ERBIN: variants seen among roughly 807,000 people sequenced by gnomAD.
ERBIN encodes the protein erbb2 interacting protein.
ERBIN carries 60 observed loss-of-function variants against 158.4 expected under a neutral mutation model. That is an observed-to-expected ratio of 0.38 (90% CI 0.31 to 0.47). ERBIN has a LOEUF of 0.47. ERBIN is among the 20% of genes least tolerant of loss of function. The pLI is 0.99. For missense variants in ERBIN, 1,610 were observed against 1,648.0 expected, an observed-to-expected ratio of 0.98 and a Z score of 0.40; for synonymous variants, 594 against 557.2, an observed-to-expected ratio of 1.07 and a Z score of -0.93.
intron 4 of ERBIN, 47 bp from the exon 5 acceptor site, chr5:66,012,002 T>C (rs775296998): frequency 8.3e-7 from 1 of 1,209,778 alleles, no homozygotes; most frequent in South Asian, 1.3e-5. Context: ...GTTATTATTT[T>C]GTCCTTTGTA....
intron 1 of ERBIN, among the ~76,000 whole-genome samples, chr5:65,968,590 T>C (rs1311882239): frequency 1.3e-5 from 2 of 152,214 alleles, no homozygotes; most frequent in Non-Finnish European, 2.9e-5. Flanking sequence ...AGACGATGTC[T>C]TGCTCCGTTG....
rs1202554009 is a variant in ERBIN, at chr5:65,983,788, A to AC, written c.-57-4839dup. On this transcript the variant is annotated intron_variant, in intron 1 of 25. Transcript: ENST00000284037. ...CCAAAGCTTCTCCGCATCTCAGGGC[A>AC]CCCCCCCCAACTGTCTGTGGATCTG... 4.8e-3 allele frequency among the ~76,000 whole-genome samples: 730 copies of AC among 151,256 alleles called. 6 individuals are homozygous for AC. The highest frequency in any genetic ancestry group is 0.016 in the African/African-American group (650 of 41,218).
intron 1 of ERBIN, among the ~76,000 whole-genome samples, chr5:65,969,914 T>C (rs1463425592): frequency 6.6e-6 from 1 of 152,228 alleles, no homozygotes; most frequent in African/African-American, 2.4e-5. Flanking sequence ...TTTAGTTGTT[T>C]TGCCATTTTT....
In ERBIN at chr5:65,994,819, A is replaced by G. The variant is rs34832453; in HGVS notation, c.262A>G (p.Ile88Val). Residue 88 changes from isoleucine (I) to valine (V), a missense_variant, in exon 4 of 26, where the codon ATT (isoleucine) becomes GTT (valine). Transcript: ENST00000284037. ...TGATTTAACAACGTTACCAGCATCC[A>G]TTGCAAACCTTATTAATCTCAGGGA... ...DNDLTTLPAS[I>V]ANLINLRELD... The G allele has an allele frequency of 2.0e-4, 320 of 1,608,864 alleles. No homozygotes were observed. In the African/African-American group the frequency reaches 4.1e-3, roughly 20 times the overall value.
intron 21 of ERBIN, among the ~76,000 whole-genome samples, chr5:66,060,888 G>T (rs1760209819): frequency 6.6e-6 from 1 of 152,160 alleles, no homozygotes; most frequent in Non-Finnish European, 1.5e-5. Flanking sequence ...TAGTTTGATT[G>T]CACTGTGGTC....
At chr5:65,979,926 C>T (rs1051944068) in intron 1 of ERBIN, among the ~76,000 whole-genome samples, 1 of 152,064 alleles carries the variant, frequency 6.6e-6, no homozygotes, top group Non-Finnish European at 1.5e-5. Context: ...TACACATACT[C>T]TTTTATAGTA....
chr5:66,037,195 A>G (rs553994350), intron 14 of ERBIN, among the ~76,000 whole-genome samples: 1 of 152,246 alleles, frequency 6.6e-6, no homozygotes, highest in African/African-American at 2.4e-5. Context: ...TGTTTTGTAT[A>G]TGTTGAATTA....
chr5:65,950,608 T>G (rs1746381856), intron 1 of ERBIN, among the ~76,000 whole-genome samples: 1 of 152,214 alleles, frequency 6.6e-6, no homozygotes, highest in Non-Finnish European at 1.5e-5. Flanking sequence ...TACTTTTCCA[T>G]CATGGATCTG....
chr5:66,068,239 C>T (rs1328588179), intron 21 of ERBIN, among the ~76,000 whole-genome samples: 7 of 151,636 alleles, frequency 4.6e-5, no homozygotes, highest in Admixed American at 1.3e-4. Context: ...CCTGTCTACT[C>T]AGGAGGCAAG....
chr5:65,932,397 G>A (rs1183067049), intron 1 of ERBIN, among the ~76,000 whole-genome samples: 3 of 151,354 alleles, frequency 2.0e-5, no homozygotes, highest in Non-Finnish European at 4.4e-5. Context: ...ATTGCAGCTT[G>A]AAGGCATTGC....
chr5:66,064,369 A>G lies in ERBIN; in HGVS notation c.3634-7800A>G, dbSNP rs540927788. ...ATATAAAGTTTATTTGGTATTTACA[A>G]AGTGCCAGAAACTACTATCACTGTA... On this transcript the variant is annotated intron_variant, in intron 21 of 25. Coordinates refer to ENST00000284037, the MANE Select transcript of ERBIN (RefSeq NM_001253697.2). Among the ~76,000 whole-genome samples, 16 of 152,342 alleles carry G rather than the reference A, an allele frequency of 1.1e-4. No individual in the cohort carries two copies. In the South Asian group the frequency reaches 2.5e-3, roughly 24 times the overall value.
intron 1 of ERBIN, among the ~76,000 whole-genome samples, chr5:65,976,977 T>C (rs1305108548): frequency 1.3e-5 from 2 of 152,156 alleles, no homozygotes; most frequent in Non-Finnish European, 2.9e-5. Context: ...TTCCCCTCTT[T>C]CTATTCCACA....
At chr5:65,979,281 T>C (rs1039190458) in intron 1 of ERBIN, among the ~76,000 whole-genome samples, 1 of 71,668 alleles carries the variant, frequency 1.4e-5, no homozygotes, top group Admixed American at 1.2e-4. Context: ...AAAAAACTGC[T>C]GACTGTGGTG....
rs752258226 is a variant in ERBIN at position 66,054,188 on chromosome 5, T to C, written c.2870T>C (p.Ile957Thr). The C allele has an allele frequency of 4.3e-6, 7 of 1,613,952 alleles. No homozygotes were observed. The South Asian group carries it at 5.5e-5, about 13-fold the overall frequency. The stretch of plus-strand genomic sequence containing the variant: ...AATCATAATCCCGAAGAGCCAAATA[T>C]AATAAGAGGCCCCACAAGTGGCCCA... ...DSNHNPEEPNIIRGPTSGPQS... is the reference protein window; with the variant it reads ...DSNHNPEEPNTIRGPTSGPQS... Residue 957 changes from isoleucine (I) to threonine (T), a missense_variant, in exon 21 of 26, where the codon ATA becomes ACA. Ile to Thr is a moderately conservative substitution (Grantham distance 89). Around this residue, in one of 2 missense-constraint regions of ERBIN, gnomAD observed 1,014 missense variants for 936.1 expected, o/e 1.08. Transcript: ENST00000284037.
chr5:66,025,598 G>T, intron 11 of ERBIN, 46 bp downstream of exon 11: 1 of 1,369,574 alleles, frequency 7.3e-7, no homozygotes, highest in African/African-American at 1.4e-5. Context: ...TTTACTTTCA[G>T]TTCAGCATGC....
intron 14 of ERBIN, among the ~76,000 whole-genome samples, chr5:66,030,013 T>C (rs746150252): frequency 1.8e-4 from 27 of 152,106 alleles, no homozygotes; most frequent in Non-Finnish European, 5.9e-5. Flanking sequence ...AATATTAAAA[T>C]GATACATTGC....
At chr5:65,966,680 C>CAAAAA (rs70987105) in intron 1 of ERBIN, among the ~76,000 whole-genome samples, 3 of 50,112 alleles carry the variant, frequency 6.0e-5, no homozygotes, top group African/African-American at 7.6e-5. Flanking sequence ...AACTCTGTCT[C>CAAAAA]AAAAAAAAAA....
chr5:65,979,415 C>A (rs1316383559), intron 1 of ERBIN, among the ~76,000 whole-genome samples: 1 of 151,892 alleles, frequency 6.6e-6, no homozygotes, highest in African/African-American at 2.4e-5. Context: ...TGACTGAGAC[C>A]CTGTCTGGAA....
At chr5:66,064,741 G>A (rs772131269) in intron 21 of ERBIN, among the ~76,000 whole-genome samples, 5 of 152,168 alleles carry the variant, frequency 3.3e-5, no homozygotes, top group African/African-American at 4.8e-5. Flanking sequence ...TTTGGCTCTC[G>A]TGGTGATGAG....
Sources: allele counts gnomAD v4.1 joint callset (sites outside exome capture counted in the v4.1 genomes callset), GRCh38; gene constraint gnomAD v4.1.1; regional missense constraint gnomAD v4.1.1; transcripts MANE v1.5; gene names NCBI Gene and HGNC (gene_info 2026-07-23, HGNC 2026-07-21).